The following PDE9A variants were observed in gnomAD, a reference collection of about 807,000 sequenced individuals.
PDE9A encodes high affinity cGMP-specific 3',5'-cyclic phosphodiesterase 9A.
PDE9A carries 60 observed loss-of-function variants against 87.4 expected under a neutral mutation model. The observed-to-expected ratio is 0.69, with a 90% CI of 0.56 to 0.85. The LOEUF (loss-of-function observed/expected upper bound fraction) is 0.85. Among genes scored for constraint, PDE9A ranks in the 40% least tolerant of loss-of-function variants. PDE9A has a pLI of 0.00. For synonymous variants in PDE9A, 272 were observed against 279.4 expected (o/e 0.97, Z 0.27); for missense variants, 665 against 779.0 (o/e 0.85, Z 1.74).
At position 42,762,216 on chromosome 21, in the gene PDE9A, G is replaced by A. The variant is rs372275211; in HGVS notation, c.1219G>A (p.Asp407Asn). ...ECNIFSNIPP[D>N]GFKQIRQGMI... ...CAACATCTTCTCCAACATCCCACCT[G>A]ATGGGTTCAAGCAGATCCGACAGGT... Residue 407 changes from aspartate to asparagine, a missense_variant, in exon 14 of 20, where the codon GAT becomes AAT. Asp to Asn is a conservative substitution (Grantham distance 23, BLOSUM62 1). Transcript: ENST00000291539. The A allele has an allele frequency of 3.1e-6, 5 of 1,613,998 alleles. No homozygotes were observed. The African/African-American group carries it at 5.3e-5, about 17-fold the overall frequency.
Position 42,733,390 on chromosome 21 carries a change from G to A in PDE9A, c.532G>A (p.Ala178Thr). ...AATCAATGAACTGAAAGCTGAAGTTGCAAATCACTTGGCTGTCCTAGAGAA... is the reference window on the plus strand; with the variant it reads ...AATCAATGAACTGAAAGCTGAAGTTACAAATCACTTGGCTGTCCTAGAGAA... ...FKINELKAEV[A>T]NHLAVLEKRV... Residue 178 changes from alanine to threonine, a missense_variant, in exon 7 of 20, where the codon GCA (alanine) becomes ACA (threonine). By Grantham distance (58) the Ala-to-Thr change is moderately conservative. Transcript: ENST00000291539. 1.2e-6 allele frequency: 2 copies of A among 1,605,084 alleles called. No homozygotes were observed. The highest frequency in any genetic ancestry group is 1.7e-6 in the Non-Finnish European group (2 of 1,171,728).
At chr21:42,680,093 C>T (rs2059082754) in intron 1 of PDE9A, among the ~76,000 whole-genome samples, 2 of 152,226 alleles carry the variant, frequency 1.3e-5, no homozygotes, top group South Asian at 4.1e-4. Flanking sequence ...CCCCTCCCCT[C>T]CCTCTCACAG....
At chr21:42,726,524 A>G (rs1223924818) in intron 4 of PDE9A, among the ~76,000 whole-genome samples, 1 of 145,402 alleles carries the variant, frequency 6.9e-6, no homozygotes, top group East Asian at 2.0e-4. Context: ...TGGCCTGCGG[A>G]TATCTAATTT....
At chr21:42,673,310 C>G (rs2145998711) in intron 1 of PDE9A, among the ~76,000 whole-genome samples, 1 of 152,278 alleles carries the variant, frequency 6.6e-6, no homozygotes, top group Non-Finnish European at 1.5e-5. Context: ...CCAGGGCGAT[C>G]CTAGAGGTAA....
At chr21:42,706,683 T>C (rs970998383) in intron 4 of PDE9A, among the ~76,000 whole-genome samples, 1 of 151,966 alleles carries the variant, frequency 6.6e-6, no homozygotes, top group African/African-American at 2.4e-5. Flanking sequence ...TTTTTTAGTG[T>C]CTTCATTTTG....
chr21:42,719,655 A>G lies in PDE9A; in HGVS notation c.263-12115A>G, dbSNP rs865858156. Among the ~76,000 whole-genome samples, 27 of 152,048 alleles carry G rather than the reference A, an allele frequency of 1.8e-4. 1 individual carries two copies. The highest frequency in any genetic ancestry group is 2.9e-4 in the Non-Finnish European group (20 of 67,958). On this transcript the variant is annotated intron_variant, in intron 4 of 19. Coordinates refer to ENST00000291539, the MANE Select transcript of PDE9A (RefSeq NM_002606.3). ...AGTCTGTCTCAAAAAAAAAAAAAAA[A>G]AAAAAAGAAATATTCCTTCGTTCTT...
intron 4 of PDE9A, among the ~76,000 whole-genome samples, chr21:42,718,152 C>G (rs537191980): frequency 1.3e-5 from 2 of 151,704 alleles, no homozygotes; most frequent in African/African-American, 4.8e-5. Flanking sequence ...CCACCCACCT[C>G]GGGCTCCCAA....
intron 1 of PDE9A, among the ~76,000 whole-genome samples, chr21:42,676,131 C>A (rs1359460897): frequency 1.3e-5 from 2 of 152,190 alleles, no homozygotes; most frequent in Non-Finnish European, 2.9e-5. Flanking sequence ...CTCCCTGAGG[C>A]CTCCCCAGAA....
rs1002166823 is a variant in PDE9A at position 42,695,053 on chromosome 21, T to C, written c.219-3915T>C. Among the ~76,000 whole-genome samples the C allele has an allele frequency of 1.2e-4, 18 of 152,192 alleles. No homozygotes were observed. The highest frequency in any genetic ancestry group is 4.3e-4 in the African/African-American group (18 of 41,448). ...CCACTGGCAGCTGCCTAACCCTTCC[T>C]ATGCTCCTGGACGTTTGGTGCAATC... On this transcript the variant is annotated intron_variant, in intron 3 of 19. Transcript: ENST00000291539. The surrounding 1 kb of genome is among the most constrained non-coding windows in gnomAD (Gnocchi z 4.3).
Position 42,760,497 on chromosome 21 carries a change from G to A in PDE9A, c.1002+65G>A. ...GGGGTCAGACGGAGGCCCCCTTCCA[G>A]GGAGCGGCAGCCCCATCCCACCAAG... On this transcript the variant is annotated intron_variant, in intron 12 of 19. Transcript: ENST00000291539. The surrounding 1 kb of genome is among the most constrained non-coding windows in gnomAD (Gnocchi z 5.2). 1 of 1,011,738 alleles carries A rather than the reference G, an allele frequency of 9.9e-7. No individual in the cohort carries two copies. The highest frequency in any genetic ancestry group is 2.6e-5 in the East Asian group (1 of 39,138). The allele number at this position is 1,011,738 out of a possible 1,614,324, so 62.7% of individuals were successfully genotyped here.
intron 8 of PDE9A, among the ~76,000 whole-genome samples, chr21:42,748,330 T>G (rs2054080534): frequency 6.6e-6 from 1 of 152,258 alleles, no homozygotes. Flanking sequence ...TGGTTGGTTT[T>G]GTTAATACTT....
chr21:42,668,104 A>G (rs1197360647), intron 1 of PDE9A, among the ~76,000 whole-genome samples: 1 of 151,972 alleles, frequency 6.6e-6, no homozygotes, highest in Non-Finnish European at 1.5e-5. Flanking sequence ...CTTTTCACCC[A>G]TGTCCAGCCA....
At chr21:42,678,163 C>T (rs574337505) in intron 1 of PDE9A, among the ~76,000 whole-genome samples, 3 of 152,346 alleles carry the variant, frequency 2.0e-5, no homozygotes, top group Admixed American at 6.5e-5. Context: ...GTGGAATCAA[C>T]GGAAGCCGAC....
intron 1 of PDE9A, among the ~76,000 whole-genome samples, chr21:42,670,316 ACACT>A (rs1444122374): frequency 8.6e-6 from 1 of 116,050 alleles, no homozygotes; most frequent in Non-Finnish European, 1.6e-5. Flanking sequence ...CTTAGACACC[ACACT>A]CACATTCACA....
intron 3 of PDE9A, among the ~76,000 whole-genome samples, chr21:42,693,057 TG>T (rs1251388317): frequency 2.0e-5 from 3 of 152,212 alleles, no homozygotes; most frequent in African/African-American, 4.8e-5. Flanking sequence ...GCTGGGCAGG[TG>T]GCTGCTCAGA....
At chr21:42,719,414 C>T (rs1695950701) in intron 4 of PDE9A, among the ~76,000 whole-genome samples, 1 of 151,640 alleles carries the variant, frequency 6.6e-6, no homozygotes, top group Non-Finnish European at 1.5e-5. Context: ...GTGGGTGGAT[C>T]AACTGAGGTC....
chr21:42,717,377 GCCT>G (rs1290017249), intron 4 of PDE9A, among the ~76,000 whole-genome samples: 33 of 117,478 alleles, frequency 2.8e-4, no homozygotes, highest in African/African-American at 1.1e-3. Context: ...TGCAACCTCC[GCCT>G]CCTAGGTTCA....
intron 7 of PDE9A, among the ~76,000 whole-genome samples, chr21:42,740,058 GAC>G (rs1219579188): frequency 1.3e-5 from 2 of 152,068 alleles, no homozygotes; most frequent in Admixed American, 6.6e-5. Flanking sequence ...TAGATACATA[GAC>G]ACACACAGGA....
At chr21:42,724,508 G>A in intron 4 of PDE9A, 4 of 686,466 alleles carry the variant, frequency 5.8e-6, no homozygotes, top group Non-Finnish European at 7.2e-6. Context: ...GGATGCGTGG[G>A]TGTGGTTGGC....
Sources: gnomAD v4.1 joint callset for allele counts (sites outside exome capture counted in the v4.1 genomes callset) on GRCh38, gnomAD v4.1.1 for gene constraint, Gnocchi (gnomAD v3.1) non-coding constraint, MANE v1.5 for transcripts, NCBI Gene and HGNC (gene_info 2026-07-23, HGNC 2026-07-21) for gene names.